The following NEGR1 variants were observed in gnomAD, a reference collection of about 807,000 sequenced individuals.
NEGR1 encodes IgLON family member 4.
NEGR1 carries 10 observed loss-of-function variants against 40.9 expected under a neutral mutation model. The observed-to-expected ratio is 0.24, with a 90% CI of 0.15 to 0.42. The LOEUF is 0.42. NEGR1 is among the 10% of genes least tolerant of loss of function. The pLI, the probability that NEGR1 is intolerant of heterozygous loss-of-function variation, is 1.00. For missense variants in NEGR1, 352 were observed against 438.9 expected, an observed-to-expected ratio of 0.80 and a Z score of 1.77; for synonymous variants, 185 against 166.8, an observed-to-expected ratio of 1.11 and a Z score of -0.84.
chr1:72,216,763 G>A (rs1042461319), intron 1 of NEGR1, among the ~76,000 whole-genome samples: 3 of 151,152 alleles, frequency 2.0e-5, no homozygotes, highest in African/African-American at 4.8e-5. Flanking sequence ...TAAATGAAAG[G>A]TAATACATTT....
At chr1:72,043,126 T>C (rs1646970469) in intron 1 of NEGR1, among the ~76,000 whole-genome samples, 1 of 151,936 alleles carries the variant, frequency 6.6e-6, no homozygotes, top group East Asian at 1.9e-4. Context: ...ATGAATTACC[T>C]AACCTGGCCT....
intron 6 of NEGR1, among the ~76,000 whole-genome samples, chr1:71,536,744 G>A (rs542657407): frequency 6.6e-6 from 1 of 151,696 alleles, no homozygotes; most frequent in East Asian, 2.0e-4. Context: ...TTTTTGTGAA[G>A]GACAAATGCA....
At chr1:72,070,404 C>G (rs991284276) in intron 1 of NEGR1, among the ~76,000 whole-genome samples, 7 of 151,752 alleles carry the variant, frequency 4.6e-5, no homozygotes, top group South Asian at 2.1e-4. Context: ...AATTTAAAGT[C>G]CTGTCAATAT....
chr1:71,803,005 A>G (rs1022934828), intron 2 of NEGR1, among the ~76,000 whole-genome samples: 12 of 152,174 alleles, frequency 7.9e-5, no homozygotes, highest in African/African-American at 2.9e-4. Context: ...AAGTGAGGAC[A>G]TGAATTTGGG....
chr1:72,002,998 A>G (rs2100384876), intron 1 of NEGR1, among the ~76,000 whole-genome samples: 1 of 152,322 alleles, frequency 6.6e-6, no homozygotes, highest in Admixed American at 6.5e-5. Flanking sequence ...AAGTGACTCC[A>G]ACATAGCACT....
chr1:72,105,291 TAA>T, intron 1 of NEGR1, among the ~76,000 whole-genome samples: 1 of 152,132 alleles, frequency 6.6e-6, no homozygotes, highest in East Asian at 1.9e-4. Context: ...CATGAATTTT[TAA>T]GAGATGTTTC....
chr1:71,654,758 T>A (rs565311084), intron 4 of NEGR1, among the ~76,000 whole-genome samples: 1 of 152,290 alleles, frequency 6.6e-6, no homozygotes, highest in Non-Finnish European at 1.5e-5. Context: ...TTAAAACAAG[T>A]GGATACATTC....
At chr1:71,748,395 A>G (rs1266438222) in intron 3 of NEGR1, among the ~76,000 whole-genome samples, 1 of 152,148 alleles carries the variant, frequency 6.6e-6, no homozygotes, top group African/African-American at 2.4e-5. Context: ...GAATTCACTG[A>G]GTATATATAT....
intron 2 of NEGR1, among the ~76,000 whole-genome samples, chr1:71,899,959 C>A (rs546775795): frequency 3.3e-5 from 5 of 152,106 alleles, no homozygotes; most frequent in African/African-American, 1.2e-4. Flanking sequence ...TGGGAATATT[C>A]GCCAAGAGTT....
intron 1 of NEGR1, among the ~76,000 whole-genome samples, chr1:72,040,580 A>AAAAAAAAAAAAAAAAAAAAAAAAAAAAAC (rs1646944003): frequency 2.0e-5 from 1 of 49,520 alleles, no homozygotes; most frequent in Non-Finnish European, 3.5e-5. Flanking sequence ...CACTGACCAA[A>AAAAAAAAAAAAAAAAAAAAAAAAAAAAAC]AAAAAAAAAA....
chr1:71,482,648 T>C (rs1355403875), intron 6 of NEGR1, among the ~76,000 whole-genome samples: 1 of 151,892 alleles, frequency 6.6e-6, no homozygotes, highest in African/African-American at 2.4e-5. Flanking sequence ...TTGATATTTA[T>C]TACTTTTAAA....
At chr1:72,146,991 A>T (rs1650934962) in intron 1 of NEGR1, among the ~76,000 whole-genome samples, 1 of 152,184 alleles carries the variant, frequency 6.6e-6, no homozygotes, top group South Asian at 2.1e-4. Flanking sequence ...TGACCTACAT[A>T]CACTTATAAT....
chr1:71,460,736 G>T (rs1487997826), intron 6 of NEGR1, among the ~76,000 whole-genome samples: 3 of 152,102 alleles, frequency 2.0e-5, no homozygotes, highest in African/African-American at 7.2e-5. Flanking sequence ...GAAGTTATCT[G>T]GAGAAAGATG....
intron 2 of NEGR1, among the ~76,000 whole-genome samples, chr1:71,851,311 A>C (rs1659593365): frequency 6.6e-6 from 1 of 152,100 alleles, no homozygotes; most frequent in Non-Finnish European, 1.5e-5. Flanking sequence ...AATACATCCT[A>C]GGTATGTTTT....
At chr1:71,780,033 G>C (rs1656651620) in intron 2 of NEGR1, among the ~76,000 whole-genome samples, 1 of 68,180 alleles carries the variant, frequency 1.5e-5, no homozygotes, top group Non-Finnish European at 2.4e-5. Flanking sequence ...CACTTGCATA[G>C]GAAAACCAAA....
chr1:71,958,268 CT>C (rs1291605040), intron 1 of NEGR1, among the ~76,000 whole-genome samples: 1 of 152,196 alleles, frequency 6.6e-6, no homozygotes, highest in Admixed American at 6.5e-5. Flanking sequence ...GTATTCACAT[CT>C]TTCAATTTCT....
intron 6 of NEGR1, among the ~76,000 whole-genome samples, chr1:71,530,204 T>G (rs572762057): frequency 1.3e-5 from 2 of 151,358 alleles, no homozygotes; most frequent in Non-Finnish European, 3.0e-5. Flanking sequence ...CTAATATTTA[T>G]TATCTCCTGA....
chr1:71,746,405 A>G (rs1570288648), intron 3 of NEGR1, among the ~76,000 whole-genome samples: 1 of 152,230 alleles, frequency 6.6e-6, no homozygotes, highest in East Asian at 1.9e-4. Flanking sequence ...TAGGTGTTTC[A>G]GCAAATCTGA....
At chr1:72,215,096 C>T (rs1344626556) in intron 1 of NEGR1, among the ~76,000 whole-genome samples, 1 of 151,966 alleles carries the variant, frequency 6.6e-6, no homozygotes, top group Non-Finnish European at 1.5e-5. Flanking sequence ...ACAAACCTGA[C>T]AAAAACAAGT....
Sources: gnomAD v4.1 joint callset for allele counts (sites outside exome capture counted in the v4.1 genomes callset) on GRCh38, gnomAD v4.1.1 for gene constraint, MANE v1.5 for transcripts, NCBI Gene and HGNC (gene_info 2026-07-23, HGNC 2026-07-21) for gene names.